MRPS11: variants seen among roughly 807,000 people sequenced by gnomAD.
MRPS11 encodes small ribosomal subunit protein uS11m.
Under a neutral mutation model 24.3 loss-of-function variants are expected in MRPS11, and 27 were observed. That is an observed-to-expected ratio of 1.11 (90% CI 0.82 to 1.53). The LOEUF (loss-of-function observed/expected upper bound fraction) is 1.53. Among genes scored for constraint, MRPS11 ranks in the 40% most tolerant of loss-of-function variants. MRPS11 has a pLI of 0.00. For synonymous variants in MRPS11, 104 were observed against 98.7 expected (o/e 1.05, Z -0.32); for missense variants, 277 against 256.5 (o/e 1.08, Z -0.55).
In MRPS11 at chr15:88,480,002, G is replaced by C. The variant is rs561600065; in HGVS notation, c.*2023G>C. 6.6e-6 allele frequency: 1 copy of C among 152,418 alleles called. No individual in the cohort carries two copies. The highest frequency in any genetic ancestry group is 2.1e-4 in the South Asian group (1 of 4,824). 9.4% of individuals were successfully genotyped at this position (152,418 alleles called of 1,614,324 possible). A position where few individuals can be genotyped will look rare whatever the true frequency, so the allele number is the denominator to read the frequency against. ...ACCTCTGCCAAAACCATGGCCTGAG[G>C]GAGAGGGAAGAAATGCCTGGCTGTT... On this transcript the variant is annotated 3_prime_UTR_variant, in exon 6 of 6. Transcript: ENST00000325844. The surrounding 1 kb of genome is among the most constrained non-coding windows in gnomAD (Gnocchi z 5.1).
chr15:88,474,699 T>A (rs905652548), intron 3 of MRPS11, among the ~76,000 whole-genome samples: 18 of 151,308 alleles, frequency 1.2e-4, no homozygotes, highest in Non-Finnish European at 2.4e-4. Context: ...GTGAGGGGAG[T>A]GGGGTGGGAA....
chr15:88,475,826 G>A lies in MRPS11; in HGVS notation c.411+587G>A, dbSNP rs1342414947. Among the ~76,000 whole-genome samples, 3 of 151,972 alleles carry A rather than the reference G, an allele frequency of 2.0e-5. No homozygotes were observed. The highest frequency in any genetic ancestry group is 4.8e-5 in the African/African-American group (2 of 41,370). On this transcript the variant is annotated intron_variant, in intron 4 of 5. Coordinates refer to ENST00000325844, the MANE Select transcript of MRPS11 (RefSeq NM_022839.5). This position sits in a 1 kb window ranked among gnomAD's most constrained non-coding sequence, Gnocchi z 4.1. ...AGAAAAATTAGCTGGGCGTGGTGGT[G>A]CGCGCCTGTAGTCCCAGGTACTCGG...
chr15:88,477,184 C>T lies in MRPS11; in HGVS notation c.477+130C>T, dbSNP rs1346910263. 3.5e-6 allele frequency: 3 copies of T among 848,704 alleles called. No individual in the cohort carries two copies. The highest frequency in any genetic ancestry group is 2.7e-5 in the East Asian group (1 of 37,350). 52.6% of individuals were successfully genotyped at this position (848,704 alleles called of 1,614,324 possible). ...TTCCATGTTTGCTTGAAGTTCCCGTCTGTTGTTTCTATAATTGACCAAGCC... is the reference window on the plus strand; with the variant it reads ...TTCCATGTTTGCTTGAAGTTCCCGTTTGTTGTTTCTATAATTGACCAAGCC... On this transcript the variant is annotated intron_variant, in intron 5 of 5. Coordinates refer to ENST00000325844, the MANE Select transcript of MRPS11 (RefSeq NM_022839.5). The surrounding 1 kb of genome is among the most constrained non-coding windows in gnomAD (Gnocchi z 5.7).
intron 2 of MRPS11, among the ~76,000 whole-genome samples, chr15:88,471,950 G>T (rs954211483): frequency 2.0e-5 from 3 of 152,214 alleles, no homozygotes; most frequent in Non-Finnish European, 4.4e-5. Context: ...TAGGGTAGAG[G>T]TTGGCAAACT....
At position 88,475,115 on chromosome 15, in the gene MRPS11, A is replaced by G; in HGVS notation, c.287A>G (p.Gln96Arg). 1 of 1,614,204 alleles carries G rather than the reference A, an allele frequency of 6.2e-7. No individual in the cohort carries two copies. ...AHIKASHNNT[Q>R]IQVVSASNEP... ...GCTTCTTCTACTTTTCTCAGCACAC[A>G]GATCCAGGTAGTCTCTGCTAGTAAT... The change falls in exon 4 of 6, where the codon CAG becomes CGG. Residue 96 changes from glutamine to arginine, a missense_variant. Transcript: ENST00000325844. This position sits in a 1 kb window ranked among gnomAD's most constrained non-coding sequence, Gnocchi z 4.1.
At position 88,475,524 on chromosome 15, in the gene MRPS11, T is replaced by C. The variant is rs1402277004; in HGVS notation, c.411+285T>C. ...CAAAGACCCCTCAATTTAAAAACCG[T>C]TAGCCAGGTCTGGTGGCACCTGCCT... On this transcript the variant is annotated intron_variant, in intron 4 of 5. Coordinates refer to ENST00000325844, the MANE Select transcript of MRPS11 (RefSeq NM_022839.5). The surrounding 1 kb of genome is among the most constrained non-coding windows in gnomAD (Gnocchi z 4.1). Among the ~76,000 whole-genome samples the C allele has an allele frequency of 1.3e-5, 2 of 152,210 alleles. No individual in the cohort carries two copies. Among genetic ancestry groups the C allele is most frequent in the Non-Finnish European group, 2.9e-5 (2 of 68,040 alleles).
chr15:88,470,470 T>C (rs1442474810), intron 2 of MRPS11, among the ~76,000 whole-genome samples: 1 of 152,206 alleles, frequency 6.6e-6, no homozygotes, highest in Non-Finnish European at 1.5e-5. Context: ...GTCCAAGGAC[T>C]GAACCCTGGG....
chr15:88,470,836 G>C (rs2055682263), intron 2 of MRPS11, among the ~76,000 whole-genome samples: 1 of 152,224 alleles, frequency 6.6e-6, no homozygotes, highest in South Asian at 2.1e-4. Flanking sequence ...TAAGGGAATA[G>C]AGAAATGGAC....
chr15:88,472,937 T>C (rs1428965056), intron 3 of MRPS11, among the ~76,000 whole-genome samples: 1 of 152,238 alleles, frequency 6.6e-6, no homozygotes, highest in Non-Finnish European at 1.5e-5. Context: ...AGGGTGGGCA[T>C]ATCCTAGTTA....
chr15:88,469,249 A>T lies in MRPS11; in HGVS notation c.182+1225A>T, dbSNP rs1287476448. On this transcript the variant is annotated intron_variant, in intron 2 of 5. Transcript: ENST00000325844. The surrounding 1 kb of genome is among the most constrained non-coding windows in gnomAD (Gnocchi z 4.4). Reference sequence around the variant, plus strand: ...CAAGACAAGAAGGCATCAGAATGCCAGGGGTCTTGTCTGTCACACTGGAGC... The same window carrying T: ...CAAGACAAGAAGGCATCAGAATGCCTGGGGTCTTGTCTGTCACACTGGAGC... The T allele has an allele frequency of 1.3e-5, 2 of 152,238 alleles. No individual in the cohort carries two copies. Among genetic ancestry groups the T allele is most frequent in the Non-Finnish European group, 2.9e-5 (2 of 68,056 alleles). The allele number at this position is 152,238 out of a possible 1,614,324, so 9.4% of individuals were successfully genotyped here. A position where few individuals can be genotyped will look rare whatever the true frequency, so the allele number is the denominator to read the frequency against.
At chr15:88,468,071 T>G in intron 2 of MRPS11, 47 bp downstream of exon 2, 1 of 1,559,140 alleles carries the variant, frequency 6.4e-7, no homozygotes, top group South Asian at 1.2e-5. Context: ...AACCCCTGAC[T>G]CTTGCCCGAC....
At chr15:88,467,823 G>C (rs2055577975) in intron 1 of MRPS11, 41 bp downstream of exon 1, 2 of 1,613,550 alleles carry the variant, frequency 1.2e-6, no homozygotes, top group African/African-American at 2.7e-5. Flanking sequence ...GCCACCTCCA[G>C]GACTATGCTC....
At chr15:88,476,050 A>C (rs2055816555) in intron 4 of MRPS11, among the ~76,000 whole-genome samples, 1 of 152,214 alleles carries the variant, frequency 6.6e-6, no homozygotes, top group African/African-American at 2.4e-5. Flanking sequence ...GACTCATGCA[A>C]TAGCAATACC....
rs908627209 is a variant in MRPS11, at chr15:88,479,678, G to A, written c.*1699G>A. 1 of 152,138 alleles carries A rather than the reference G, an allele frequency of 6.6e-6. No individual in the cohort carries two copies. The highest frequency in any genetic ancestry group is 6.5e-5 in the Admixed American group (1 of 15,272). The allele number at this position is 152,138 out of a possible 1,614,324, so 9.4% of individuals were successfully genotyped here. A position where few individuals can be genotyped will look rare whatever the true frequency, so the allele number is the denominator to read the frequency against. On this transcript the variant is annotated 3_prime_UTR_variant, in exon 6 of 6. Transcript: ENST00000325844. ...TCGGAAGGAATTAGACTGTTTCACC[G>A]CAAAACTACATATAAACACAATGCA... is the stretch of plus-strand genomic sequence containing the variant.
At position 88,478,754 on chromosome 15, in the gene MRPS11, G is replaced by A. The variant is rs890019075; in HGVS notation, c.*775G>A. On this transcript the variant is annotated 3_prime_UTR_variant, in exon 6 of 6. Transcript: ENST00000325844. This position sits in a 1 kb window ranked among gnomAD's most constrained non-coding sequence, Gnocchi z 4.7. ...CACCTGTAACCCTGGCACTTTGGGAGGCCAAGGCGGGTGGATCACTTGAGT... is the reference window on the plus strand; with the variant it reads ...CACCTGTAACCCTGGCACTTTGGGAAGCCAAGGCGGGTGGATCACTTGAGT... 7 of 152,262 alleles carry A rather than the reference G, an allele frequency of 4.6e-5. No individual in the cohort carries two copies. The highest frequency in any genetic ancestry group is 1.0e-4 in the Non-Finnish European group (7 of 68,094). 9.4% of individuals were successfully genotyped at this position (152,262 alleles called of 1,614,324 possible).
chr15:88,477,177 T>A lies in MRPS11; in HGVS notation c.477+123T>A. On this transcript the variant is annotated intron_variant, in intron 5 of 5. Coordinates refer to ENST00000325844, the MANE Select transcript of MRPS11 (RefSeq NM_022839.5). This position sits in a 1 kb window ranked among gnomAD's most constrained non-coding sequence, Gnocchi z 5.7. ...AGTGGATTTCCATGTTTGCTTGAAG[T>A]TCCCGTCTGTTGTTTCTATAATTGA... 1 of 882,278 alleles carries A rather than the reference T, an allele frequency of 1.1e-6. No homozygotes were observed. Among genetic ancestry groups the A allele is most frequent in the Non-Finnish European group, 1.8e-6 (1 of 552,836 alleles). 54.7% of individuals were successfully genotyped at this position (882,278 alleles called of 1,614,324 possible).
Position 88,476,993 on chromosome 15 carries a change from C to G in MRPS11, c.416C>G (p.Ala139Gly). Residue 139 changes from alanine to glycine, a missense_variant, in exon 5 of 6, where the codon GCT becomes GGT. Coordinates refer to ENST00000325844, the MANE Select transcript of MRPS11 (RefSeq NM_022839.5). ...AACCACTCTGCTTCTCTCCAGAGAG[C>G]TAAACAAAAGGGCGTGATCCACATC... The part of the protein sequence containing the change: ...QTAGIAAAAR[A>G]KQKGVIHIRV... The G allele has an allele frequency of 6.2e-7, 1 of 1,613,856 alleles. No homozygotes were observed. Among genetic ancestry groups the G allele is most frequent in the East Asian group, 2.2e-5 (1 of 44,880 alleles).
intron 3 of MRPS11, among the ~76,000 whole-genome samples, chr15:88,474,214 CTTGT>C (rs1393297017): frequency 2.6e-5 from 4 of 151,972 alleles, no homozygotes; most frequent in Non-Finnish European, 5.9e-5. Context: ...AAAAGTTTTA[CTTGT>C]TTAAAATAAT....
intron 3 of MRPS11, among the ~76,000 whole-genome samples, chr15:88,474,404 A>G (rs1294094782): frequency 6.6e-6 from 1 of 151,496 alleles, no homozygotes; most frequent in African/African-American, 2.4e-5. Flanking sequence ...TACTAAAAAT[A>G]CAAAATTAGC....
Sources: gnomAD v4.1 joint callset for allele counts (sites outside exome capture counted in the v4.1 genomes callset) on GRCh38, gnomAD v4.1.1 for gene constraint, Gnocchi (gnomAD v3.1) non-coding constraint, MANE v1.5 for transcripts, NCBI Gene and HGNC (gene_info 2026-07-23, HGNC 2026-07-21) for gene names.